ADCK5: variants seen among roughly 807,000 people sequenced by gnomAD.
ADCK5 encodes aarF domain containing kinase 5, also known as uncharacterized aarF domain-containing protein kinase 5.
ADCK5 carries 43 observed loss-of-function variants against 64.9 expected under a neutral mutation model. That is an observed-to-expected ratio of 0.66 (90% CI 0.52 to 0.85). The LOEUF (loss-of-function observed/expected upper bound fraction) is 0.85. Among genes scored for constraint, ADCK5 ranks in the 40% least tolerant of loss-of-function variants. ADCK5 has a pLI of 0.00. For missense variants in ADCK5, 760 were observed against 810.5 expected, an observed-to-expected ratio of 0.94 and a Z score of 0.76; for synonymous variants, 434 against 342.8, an observed-to-expected ratio of 1.27 and a Z score of -2.94.
In ADCK5 at chr8:144,392,530, G is replaced by A; in HGVS notation, c.1353G>A (p.Glu451=). 6.4e-7 allele frequency: 1 copy of A among 1,556,518 alleles called. No homozygotes were observed. Among genetic ancestry groups the A allele is most frequent in the African/African-American group, 1.4e-5 (1 of 73,862 alleles). Residue 451 remains glutamate (E), a synonymous_variant, in exon 13 of 15, where the codon GAG becomes GAA. Coordinates refer to ENST00000308860, the MANE Select transcript of ADCK5 (RefSeq NM_174922.5). The part of the protein sequence containing the change: ...LWGSHLLSRE[E]AAYMVDMARE... ...GCTCGCACCTACTGAGCCGCGAAGA[G>A]GCGGCCTACATGGTGGACATGGCCC...
chr8:144,391,085 G>A, intron 5 of ADCK5, 29 bp downstream of exon 5: 2 of 1,610,758 alleles, frequency 1.2e-6, no homozygotes, highest in East Asian at 4.5e-5. Flanking sequence ...CGAGGGAGGT[G>A]GGGCCTCCAG....
chr8:144,373,133 C>T (rs974817759), upstream of ADCK5: 1 of 152,488 alleles, frequency 6.6e-6, no homozygotes, highest in African/African-American at 2.4e-5. Flanking sequence ...ACTCAGGAGC[C>T]CTCGTGGATT....
intron 1 of ADCK5, chr8:144,375,760 C>A: frequency 1.3e-6 from 1 of 741,186 alleles, no homozygotes; most frequent in Non-Finnish European, 1.6e-6. Context: ...CATAAGAAAG[C>A]ATGAGAGGTT....
chr8:144,379,796 G>T (rs1554857811), intron 2 of ADCK5, among the ~76,000 whole-genome samples: 3 of 152,204 alleles, frequency 2.0e-5, no homozygotes, highest in Non-Finnish European at 4.4e-5. Context: ...GCATGGAGGA[G>T]GGCGGGGTGA....
intron 3 of ADCK5, among the ~76,000 whole-genome samples, chr8:144,385,645 C>CA (rs1476902691): frequency 6.9e-6 from 1 of 145,632 alleles, no homozygotes; most frequent in Non-Finnish European, 1.5e-5. Context: ...AGACCCGTCT[C>CA]AAAAAATAAA....
rs199879834 is a variant in ADCK5, at chr8:144,392,903, G to T, written c.1637+11G>T. 11 of 1,599,002 alleles carry T rather than the reference G, an allele frequency of 6.9e-6. No homozygotes were observed. In the East Asian group the frequency reaches 2.2e-4, roughly 33 times the overall value. On this transcript the variant is annotated intron_variant, in intron 14 of 14. Coordinates refer to ENST00000308860, the MANE Select transcript of ADCK5 (RefSeq NM_174922.5). ...TGAAGTGGCGCTCAGGTGAGTGGCCGCGGGGCAGGTGGGTGGCGGGGGCCT... is the reference window on the plus strand; with the variant it reads ...TGAAGTGGCGCTCAGGTGAGTGGCCTCGGGGCAGGTGGGTGGCGGGGGCCT...
At chr8:144,392,067 G>A (rs1446421318) in intron 10 of ADCK5, 25 bp from the exon 11 acceptor site, 4 of 1,612,248 alleles carry the variant, frequency 2.5e-6, no homozygotes, top group Non-Finnish European at 3.4e-6. Context: ...TGGGCGCAGC[G>A]CGACCTAAGA....
At position 144,376,209 on chromosome 8, in the gene ADCK5, T is replaced by G. The variant is rs1481681490; in HGVS notation, c.12+2102T>G. Among the ~76,000 whole-genome samples the G allele has an allele frequency of 6.6e-6, 1 of 152,200 alleles. No individual in the cohort carries two copies. Among genetic ancestry groups the G allele is most frequent in the Admixed American group, 6.5e-5 (1 of 15,274 alleles). On this transcript the variant is annotated intron_variant, in intron 1 of 14. Transcript: ENST00000308860. The surrounding 1 kb of genome is among the most constrained non-coding windows in gnomAD (Gnocchi z 5.1). ...GTTGCTTGGCAGGGCCATGTGGGGT[T>G]CAATTGAGTCCTGTGCTTCACAGCT...
At chr8:144,387,922 G>A (rs1554859568) in intron 3 of ADCK5, among the ~76,000 whole-genome samples, 1 of 151,142 alleles carries the variant, frequency 6.6e-6, no homozygotes, top group Admixed American at 6.6e-5. Context: ...TAGTAGAGGC[G>A]GGTTTCTCTG....
At chr8:144,382,615 G>T (rs1239783818) in intron 2 of ADCK5, among the ~76,000 whole-genome samples, 1 of 152,238 alleles carries the variant, frequency 6.6e-6, no homozygotes, top group African/African-American at 2.4e-5. Context: ...GGCAAGCTCT[G>T]TTTCTTGCTC....
chr8:144,374,069 G>T lies in ADCK5; in HGVS notation c.-27G>T, dbSNP rs1205301491. 5 of 1,246,598 alleles carry T rather than the reference G, an allele frequency of 4.0e-6. No individual in the cohort carries two copies. Among genetic ancestry groups the T allele is most frequent in the South Asian group, 4.1e-5 (1 of 24,506 alleles). The allele number at this position is 1,246,598 out of a possible 1,614,324, so 77.2% of individuals were successfully genotyped here. ...TGCGAGACGCTAAGCGGCGCCGGGC[G>T]GGAGAAGAGCGGAGCAGTGGTCGGA... On this transcript the variant is annotated 5_prime_UTR_variant, in exon 1 of 15. Coordinates refer to ENST00000308860, the MANE Select transcript of ADCK5 (RefSeq NM_174922.5).
At chr8:144,390,272 G>A (rs1380324791) in intron 3 of ADCK5, among the ~76,000 whole-genome samples, 1 of 152,206 alleles carries the variant, frequency 6.6e-6, no homozygotes. Flanking sequence ...GACCACAGGT[G>A]TGCACCACCG....
At chr8:144,390,048 C>G (rs562671717) in intron 3 of ADCK5, among the ~76,000 whole-genome samples, 1 of 151,296 alleles carries the variant, frequency 6.6e-6, no homozygotes, top group African/African-American at 2.4e-5. Flanking sequence ...CCAGGCTGGT[C>G]TTGAACTCCT....
chr8:144,391,106 A>T, intron 5 of ADCK5, 28 bp from the exon 6 acceptor site: 2 of 1,610,484 alleles, frequency 1.2e-6, no homozygotes, highest in Non-Finnish European at 1.7e-6. Context: ...CAGTGGCCCC[A>T]GGCTGCTCTG....
At chr8:144,388,772 A>G (rs1292334895) in intron 3 of ADCK5, among the ~76,000 whole-genome samples, 1 of 152,094 alleles carries the variant, frequency 6.6e-6, no homozygotes, top group Admixed American at 6.5e-5. Flanking sequence ...CCAAAAAAAA[A>G]AAAAAAGAAA....
At chr8:144,386,799 G>T (rs565253440) in intron 3 of ADCK5, among the ~76,000 whole-genome samples, 2 of 152,146 alleles carry the variant, frequency 1.3e-5, no homozygotes, top group Admixed American at 1.3e-4. Flanking sequence ...GTGGGTCTTC[G>T]CCCTGAGTCC....
rs782460777 is a variant in ADCK5, at chr8:144,392,574, T to C, written c.1397T>C (p.Val466Ala). ...ATGGCCCGCGAGCGCTTCGAGGCCG[T>C]CATGGCGGTGCTCAGGGAGCTGCCG... The part of the protein sequence containing the change: ...VDMARERFEA[V>A]MAVLRELPRP... Residue 466 changes from valine (V) to alanine (A), a missense_variant, in exon 13 of 15, where the codon GTC becomes GCC. Physicochemically the swap from Val to Ala is moderately conservative, Grantham distance 64. Around this residue, in one of 2 missense-constraint regions of ADCK5, gnomAD observed 333 missense variants for 292.0 expected, o/e 1.14. Coordinates refer to ENST00000308860, the MANE Select transcript of ADCK5 (RefSeq NM_174922.5). 191 of 1,575,332 alleles carry C rather than the reference T, an allele frequency of 1.2e-4. 1 individual carries two copies. The highest frequency in any genetic ancestry group is 1.6e-4 in the Non-Finnish European group (185 of 1,166,034).
chr8:144,382,855 T>C (rs1554858553), intron 2 of ADCK5, among the ~76,000 whole-genome samples: 2 of 152,384 alleles, frequency 1.3e-5, no homozygotes, highest in African/African-American at 4.8e-5. Context: ...CAGACCTGAA[T>C]GAGACCTGCC....
At chr8:144,382,891 TTGGTGCAGGGGCATC>T (rs1335078872) in intron 2 of ADCK5, among the ~76,000 whole-genome samples, 175 bp from the exon 3 acceptor site, 2 of 152,220 alleles carry the variant, frequency 1.3e-5, no homozygotes, top group Non-Finnish European at 2.9e-5. Flanking sequence ...GTGCCGGGCT[TTGGTGCAGGGGCATC>T]TGGTGCAGGG....
Sources: allele counts gnomAD v4.1 joint callset (sites outside exome capture counted in the v4.1 genomes callset), GRCh38; gene constraint gnomAD v4.1.1; regional missense constraint gnomAD v4.1.1; non-coding constraint Gnocchi (gnomAD v3.1); transcripts MANE v1.5; gene names NCBI Gene and HGNC (gene_info 2026-07-23, HGNC 2026-07-21).